ATRNL1: variants seen among roughly 807,000 people sequenced by gnomAD.
The protein encoded by ATRNL1 is attractin-like protein 1.
ATRNL1 carries 95 observed loss-of-function variants against 182.7 expected under a neutral mutation model. The observed-to-expected ratio is 0.52, with a 90% CI of 0.44 to 0.62. The LOEUF is 0.62. ATRNL1 is among the 20% of genes least tolerant of loss of function. The probability of loss-of-function intolerance (pLI) is 0.00; values close to 1 mark genes in which losing one functional copy is unlikely to be tolerated. For synonymous variants in ATRNL1, 576 were observed against 568.3 expected, an observed-to-expected ratio of 1.01 and a Z score of -0.19; for missense variants, 1,471 against 1,679.5, an observed-to-expected ratio of 0.88 and a Z score of 2.17.
intron 10 of ATRNL1, 89 bp from the exon 11 acceptor site, chr10:115,265,104 T>C (rs1342770705): frequency 1.2e-6 from 1 of 802,210 alleles, no homozygotes. Flanking sequence ...GCATAGTGTA[T>C]CTTTAATTCG....
chr10:115,173,848 TA>T (rs61661973), intron 8 of ATRNL1, among the ~76,000 whole-genome samples: 7,034 of 151,486 alleles, frequency 0.046, 553 homozygotes, highest in African/African-American at 0.16. Flanking sequence ...AGAATCACTT[TA>T]AAAAAAATGT....
At chr10:115,188,084 GGAGA>G (rs1430842518) in intron 8 of ATRNL1, among the ~76,000 whole-genome samples, 23 of 148,094 alleles carry the variant, frequency 1.6e-4, no homozygotes, top group African/African-American at 5.7e-4. Context: ...AAAGGGGGAG[GGAGA>G]AAGGGAGAGG....
At chr10:115,695,164 T>A (rs1027085288) in intron 26 of ATRNL1, among the ~76,000 whole-genome samples, 13 of 152,208 alleles carry the variant, frequency 8.5e-5, no homozygotes, top group African/African-American at 2.9e-4. Flanking sequence ...CAAAACCCTT[T>A]ATTAGTTTAG....
chr10:115,431,107 T>G (rs2134412640), intron 21 of ATRNL1, among the ~76,000 whole-genome samples: 1 of 152,162 alleles, frequency 6.6e-6, no homozygotes, highest in East Asian at 1.9e-4. Flanking sequence ...TGATCAAGAT[T>G]GAAAAGATAT....
intron 26 of ATRNL1, among the ~76,000 whole-genome samples, chr10:115,622,653 G>A (rs367948331): frequency 6.5e-5 from 9 of 137,652 alleles, no homozygotes; most frequent in East Asian, 3.3e-4. Context: ...AGGGCGGGGC[G>A]CGGTGGCTCA....
intron 5 of ATRNL1, among the ~76,000 whole-genome samples, chr10:115,131,963 G>C (rs1845258298): frequency 6.6e-6 from 1 of 151,042 alleles, no homozygotes; most frequent in Non-Finnish European, 1.5e-5. Flanking sequence ...TAAGTTCTAG[G>C]GCACATGTGC....
intron 19 of ATRNL1, among the ~76,000 whole-genome samples, chr10:115,343,252 A>T (rs1325399708): frequency 6.6e-6 from 1 of 151,852 alleles, no homozygotes; most frequent in African/African-American, 2.4e-5. Context: ...AAGACCACGA[A>T]CTCTTAGATT....
intron 1 of ATRNL1, among the ~76,000 whole-genome samples, chr10:115,094,434 T>C (rs2084961175): frequency 6.6e-6 from 1 of 152,240 alleles, no homozygotes; most frequent in South Asian, 2.1e-4. Context: ...ACATGCGCAT[T>C]GTGAAAAATT....
intron 19 of ATRNL1, among the ~76,000 whole-genome samples, chr10:115,378,448 G>A (rs1437681442): frequency 6.6e-6 from 1 of 152,140 alleles, no homozygotes; most frequent in African/African-American, 2.4e-5. Flanking sequence ...GTTTCCCAGT[G>A]GTGCCCTGAC....
chr10:115,281,994 G>T (rs1852382487), intron 14 of ATRNL1, among the ~76,000 whole-genome samples: 1 of 141,380 alleles, frequency 7.1e-6, no homozygotes. Flanking sequence ...CATATCCCAG[G>T]GTTTTAAAAA....
At chr10:115,229,984 G>A (rs1592291777) in intron 9 of ATRNL1, among the ~76,000 whole-genome samples, 1 of 152,030 alleles carries the variant, frequency 6.6e-6, no homozygotes, top group African/African-American at 2.4e-5. Context: ...CTTTATGATT[G>A]TATCCCTTAT....
intron 5 of ATRNL1, among the ~76,000 whole-genome samples, chr10:115,133,272 T>C (rs1306863088): frequency 6.6e-6 from 1 of 152,198 alleles, no homozygotes; most frequent in Non-Finnish European, 1.5e-5. Context: ...GAGGGCTCTG[T>C]TCTGTTCCAT....
At position 115,300,132 on chromosome 10, in the gene ATRNL1, T is replaced by A. The variant is rs1554923985; in HGVS notation, c.2514T>A (p.Pro838=). Reference sequence around the variant, plus strand: ...CAAACACAACACTACAGTGGCTTCCTGGCGAACCCAATGATTCTGGGTTTT... The same window carrying A: ...CAAACACAACACTACAGTGGCTTCCAGGCGAACCCAATGATTCTGGGTTTT... ...PFTNTTLQWL[P]GEPNDSGFCA... is the part of the protein sequence containing the mutation. The change falls in exon 16 of 29, where the codon CCT becomes CCA. Residue 838 remains proline (P), a synonymous_variant. Transcript: ENST00000355044. 3 of 1,614,054 alleles carry A rather than the reference T, an allele frequency of 1.9e-6. No individual in the cohort carries two copies. The highest frequency in any genetic ancestry group is 8.5e-7 in the Non-Finnish European group (1 of 1,179,890).
intron 28 of ATRNL1, among the ~76,000 whole-genome samples, chr10:115,915,266 C>T (rs187679671): frequency 6.2e-4 from 94 of 152,108 alleles, no homozygotes; most frequent in African/African-American, 2.2e-3. Flanking sequence ...GGCGTGGTGG[C>T]GGGCGCCTGT....
intron 20 of ATRNL1, among the ~76,000 whole-genome samples, chr10:115,405,731 G>A (rs1232232827): frequency 2.0e-5 from 3 of 150,832 alleles, no homozygotes; most frequent in Non-Finnish European, 2.9e-5. Flanking sequence ...TAGGGTATAC[G>A]TGCACAACGT....
At chr10:115,547,254 C>A (rs1592831799) in intron 25 of ATRNL1, among the ~76,000 whole-genome samples, 2 of 127,418 alleles carry the variant, frequency 1.6e-5, no homozygotes, top group African/African-American at 2.8e-5. Context: ...GACTCCATCT[C>A]AAAAAAAAAA....
chr10:115,511,402 A>G (rs1554982658), intron 24 of ATRNL1, among the ~76,000 whole-genome samples: 1 of 151,894 alleles, frequency 6.6e-6, no homozygotes, highest in Non-Finnish European at 1.5e-5. Flanking sequence ...AGCATCCTTT[A>G]TGTAACTATG....
At chr10:115,115,917 C>T (rs550459440) in intron 1 of ATRNL1, among the ~76,000 whole-genome samples, 12 of 152,180 alleles carry the variant, frequency 7.9e-5, no homozygotes, top group African/African-American at 2.9e-4. Context: ...TTATTAGTGG[C>T]CAACCTTGTG....
At chr10:115,849,445 C>CA (rs1242065690) in intron 28 of ATRNL1, among the ~76,000 whole-genome samples, 2 of 152,150 alleles carry the variant, frequency 1.3e-5, no homozygotes, top group African/African-American at 4.8e-5. Context: ...CTCGATCCTT[C>CA]ACGAGATGGG....
Sources: gnomAD v4.1 joint callset for allele counts (sites outside exome capture counted in the v4.1 genomes callset) on GRCh38, gnomAD v4.1.1 for gene constraint, MANE v1.5 for transcripts, NCBI Gene and HGNC (gene_info 2026-07-23, HGNC 2026-07-21) for gene names.